Variants in POU6F2 observed in about 807,000 individuals in gnomAD.
POU6F2 encodes the protein POU domain, class 6, transcription factor 2.
POU6F2 carries 31 observed loss-of-function variants against 71.3 expected under a neutral mutation model. The observed-to-expected ratio is 0.43, with a 90% CI of 0.33 to 0.59. POU6F2 has a LOEUF of 0.59. Among genes scored for constraint, POU6F2 ranks in the 20% least tolerant of loss-of-function variants. The pLI, the probability that POU6F2 is intolerant of heterozygous loss-of-function variation, is 0.04. For missense variants in POU6F2, 783 were observed against 856.8 expected (o/e 0.91, Z 1.07); for synonymous variants, 347 against 355.7 (o/e 0.98, Z 0.27).
chr7:39,397,232 G>A (rs900375762), intron 5 of POU6F2, among the ~76,000 whole-genome samples: 21 of 152,020 alleles, frequency 1.4e-4, no homozygotes, highest in Admixed American at 3.9e-4. Context: ...GAGCACAGGC[G>A]TTACACAGGA....
intron 6 of POU6F2, among the ~76,000 whole-genome samples, chr7:39,428,787 C>T (rs1424441290): frequency 6.6e-6 from 1 of 152,068 alleles, no homozygotes; most frequent in Non-Finnish European, 1.5e-5. Context: ...CCCGTCAAAA[C>T]TCACTCATCA....
intron 4 of POU6F2, among the ~76,000 whole-genome samples, chr7:39,291,553 C>T (rs1784756885): frequency 1.3e-5 from 2 of 152,196 alleles, no homozygotes; most frequent in South Asian, 2.1e-4. Flanking sequence ...ATTTATACCT[C>T]GTGTGTGTTT....
chr7:39,419,113 GTA>G (rs754145099), intron 6 of POU6F2, among the ~76,000 whole-genome samples: 1,286 of 56,078 alleles, frequency 0.023, 18 homozygotes, highest in Middle Eastern at 0.068. Flanking sequence ...ACATATATAC[GTA>G]TATATGTGTA....
intron 2 of POU6F2, among the ~76,000 whole-genome samples, chr7:39,200,124 G>A (rs1192035863): frequency 6.6e-6 from 1 of 152,196 alleles, no homozygotes; most frequent in African/African-American, 2.4e-5. Context: ...GAAGGCCAAG[G>A]GGATTACACT....
chr7:38,998,830 T>TA (rs1788816613), intron 1 of POU6F2, among the ~76,000 whole-genome samples: 1 of 143,936 alleles, frequency 6.9e-6, no homozygotes, highest in African/African-American at 2.6e-5. Flanking sequence ...TTTTTTTTTT[T>TA]TTTTTTTTTA....
At chr7:39,437,056 C>T (rs1788262210) in intron 7 of POU6F2, among the ~76,000 whole-genome samples, 1 of 152,196 alleles carries the variant, frequency 6.6e-6, no homozygotes. Context: ...CATCTGTGTT[C>T]ATCAGGAATA....
At chr7:39,266,068 G>A (rs1784233351) in intron 4 of POU6F2, among the ~76,000 whole-genome samples, 1 of 152,174 alleles carries the variant, frequency 6.6e-6, no homozygotes, top group African/African-American at 2.4e-5. Context: ...ATGTATCAAA[G>A]CATCTCACCC....
intron 2 of POU6F2, among the ~76,000 whole-genome samples, chr7:39,194,187 A>G (rs933953241): frequency 6.6e-6 from 1 of 152,222 alleles, no homozygotes; most frequent in Non-Finnish European, 1.5e-5. Flanking sequence ...TGAAACTCCC[A>G]AACACTCCAA....
intron 4 of POU6F2, among the ~76,000 whole-genome samples, chr7:39,273,654 C>T (rs892980481): frequency 3.3e-5 from 5 of 151,812 alleles, no homozygotes; most frequent in African/African-American, 1.2e-4. Flanking sequence ...CTGGAAAAAG[C>T]CTGTAAGACT....
chr7:39,095,826 C>T (rs966765453), intron 2 of POU6F2, among the ~76,000 whole-genome samples: 2 of 152,072 alleles, frequency 1.3e-5, no homozygotes, highest in Non-Finnish European at 2.9e-5. Context: ...TAAAACGTGC[C>T]GAAGATTCTT....
intron 2 of POU6F2, among the ~76,000 whole-genome samples, chr7:39,110,286 AT>A (rs1325920245): frequency 2.0e-4 from 29 of 146,808 alleles, no homozygotes; most frequent in Admixed American, 2.7e-4. Context: ...AAAAAAAAAA[AT>A]GAATTAAATT....
chr7:39,381,605 T>C (rs1786830758), intron 5 of POU6F2, among the ~76,000 whole-genome samples: 1 of 152,090 alleles, frequency 6.6e-6, no homozygotes, highest in Non-Finnish European at 1.5e-5. Context: ...TCACCTTGGG[T>C]CACATTTCAC....
At chr7:38,994,051 G>T (rs539880306) in intron 1 of POU6F2, among the ~76,000 whole-genome samples, 2 of 152,240 alleles carry the variant, frequency 1.3e-5, no homozygotes, top group South Asian at 2.1e-4. Context: ...TTTTGTTAGT[G>T]CCAACTCTTC....
intron 1 of POU6F2, among the ~76,000 whole-genome samples, chr7:38,993,933 T>C (rs1788672131): frequency 6.6e-6 from 1 of 152,172 alleles, no homozygotes; most frequent in Non-Finnish European, 1.5e-5. Flanking sequence ...GTGGGTAATA[T>C]TCATTTTCTT....
At chr7:39,380,500 G>A (rs1562809007) in intron 5 of POU6F2, among the ~76,000 whole-genome samples, 1 of 152,142 alleles carries the variant, frequency 6.6e-6, no homozygotes. Flanking sequence ...AGGATGCTCT[G>A]AAAACTCCTT....
intron 4 of POU6F2, among the ~76,000 whole-genome samples, chr7:39,338,354 G>A (rs1242286637): frequency 1.3e-5 from 2 of 152,192 alleles, no homozygotes; most frequent in Non-Finnish European, 2.9e-5. Flanking sequence ...GATGATGCCG[G>A]GGTACTTTCC....
chr7:39,384,266 A>G (rs1394258931), intron 5 of POU6F2, among the ~76,000 whole-genome samples: 1 of 152,190 alleles, frequency 6.6e-6, no homozygotes, highest in Admixed American at 6.5e-5. Flanking sequence ...TTTGGATCAA[A>G]TGCTCCTGGG....
intron 4 of POU6F2, among the ~76,000 whole-genome samples, chr7:39,335,372 G>A (rs985416108): frequency 1.3e-5 from 2 of 152,150 alleles, no homozygotes; most frequent in Admixed American, 6.5e-5. Context: ...AGGTACAACT[G>A]TACACTTTCC....
chr7:39,209,327 T>C (rs1584603095), intron 4 of POU6F2, among the ~76,000 whole-genome samples: 1 of 152,190 alleles, frequency 6.6e-6, no homozygotes, highest in East Asian at 1.9e-4. Context: ...TTGCTTTTCT[T>C]ATCCCTGGGC....
Sources: gnomAD v4.1 joint callset for allele counts (sites outside exome capture counted in the v4.1 genomes callset) on GRCh38, gnomAD v4.1.1 for gene constraint, MANE v1.5 for transcripts, NCBI Gene and HGNC (gene_info 2026-07-23, HGNC 2026-07-21) for gene names.